The following CPEB3 variants were observed in gnomAD, a reference collection of about 807,000 sequenced individuals.
The protein encoded by CPEB3 is cytoplasmic polyadenylation element-binding protein 3.
CPEB3 carries 20 observed loss-of-function variants against 67.2 expected under a neutral mutation model. The observed-to-expected ratio is 0.30, with a 90% CI of 0.21 to 0.43. The LOEUF is 0.43. Among genes scored for constraint, CPEB3 ranks in the 20% least tolerant of loss-of-function variants. The probability of loss-of-function intolerance (pLI) is 1.00; values close to 1 mark genes in which losing one functional copy is unlikely to be tolerated. For missense variants in CPEB3, 746 were observed against 968.6 expected (o/e 0.77, Z 3.05); for synonymous variants, 376 against 393.1 (o/e 0.96, Z 0.51).
At chr10:92,241,264 G>A (rs973988185) in intron 1 of CPEB3, among the ~76,000 whole-genome samples, 4 of 141,626 alleles carry the variant, frequency 2.8e-5, no homozygotes, top group Admixed American at 2.1e-4. Context: ...AATGCTTCTG[G>A]TTGGATTTAA....
At chr10:92,176,484 G>A (rs1848225262) in intron 4 of CPEB3, among the ~76,000 whole-genome samples, 1 of 152,206 alleles carries the variant, frequency 6.6e-6, no homozygotes, top group Admixed American at 6.5e-5. Flanking sequence ...ATTCATTGCT[G>A]CATCTTCAAG....
At chr10:92,156,050 CG>C (rs1847193633) in intron 4 of CPEB3, among the ~76,000 whole-genome samples, 1 of 152,100 alleles carries the variant, frequency 6.6e-6, no homozygotes, top group Non-Finnish European at 1.5e-5. Flanking sequence ...GCTAACGCTA[CG>C]TAGGGCCCAG....
At chr10:92,086,874 A>G (rs1464680140) in intron 8 of CPEB3, among the ~76,000 whole-genome samples, 1 of 152,222 alleles carries the variant, frequency 6.6e-6, no homozygotes, top group Non-Finnish European at 1.5e-5. Flanking sequence ...GGGAGGACAC[A>G]AACACATACT....
At chr10:92,227,288 ATTAT>A (rs1851023724) in intron 2 of CPEB3, among the ~76,000 whole-genome samples, 1 of 152,204 alleles carries the variant, frequency 6.6e-6, no homozygotes, top group South Asian at 2.1e-4. Flanking sequence ...ATTACATAAA[ATTAT>A]TTATGTGGAA....
At chr10:92,073,038 C>CTTTTTT (rs546510647) in intron 9 of CPEB3, among the ~76,000 whole-genome samples, 2 of 61,262 alleles carry the variant, frequency 3.3e-5, no homozygotes, top group Non-Finnish European at 5.8e-5. Context: ...GAATCTCTGT[C>CTTTTTT]TTTTTTTTTT....
At chr10:92,181,912 A>G (rs2134093837) in intron 3 of CPEB3, among the ~76,000 whole-genome samples, 1 of 152,356 alleles carries the variant, frequency 6.6e-6, no homozygotes, top group East Asian at 1.9e-4. Flanking sequence ...TGGAAGATGC[A>G]GACATTTTTG....
Position 92,048,895 on chromosome 10 carries a change from A to G in CPEB3, c.*3317T>C, listed in dbSNP as rs1331498757. On this transcript the variant is annotated 3_prime_UTR_variant, in exon 10 of 10. Coordinates refer to ENST00000265997, the MANE Select transcript of CPEB3 (RefSeq NM_014912.5). The surrounding 1 kb of genome is among the most constrained non-coding windows in gnomAD (Gnocchi z 4.1). ...AATTAATTTATTCCAATAAAAATACAAAATAATATTATGACATTGACCAGA... is the reference window on the plus strand; with the variant it reads ...AATTAATTTATTCCAATAAAAATACGAAATAATATTATGACATTGACCAGA... 1 of 152,650 alleles carries G rather than the reference A, an allele frequency of 6.6e-6. No individual in the cohort carries two copies. Among genetic ancestry groups the G allele is most frequent in the Non-Finnish European group, 1.5e-5 (1 of 68,042 alleles). 9.5% of individuals were successfully genotyped at this position (152,650 alleles called of 1,614,324 possible).
At chr10:92,124,546 T>C (rs998680696) in intron 6 of CPEB3, among the ~76,000 whole-genome samples, 4 of 152,050 alleles carry the variant, frequency 2.6e-5, no homozygotes, top group Admixed American at 2.0e-4. Flanking sequence ...TCAAGTAAAA[T>C]ATTAAAATAT....
intron 6 of CPEB3, among the ~76,000 whole-genome samples, chr10:92,128,541 T>C (rs573729492): frequency 2.6e-5 from 4 of 152,224 alleles, no homozygotes; most frequent in African/African-American, 9.6e-5. Flanking sequence ...CAAAAGAAAC[T>C]ATCAAAAGAG....
chr10:92,199,072 G>A (rs569509725), intron 2 of CPEB3, among the ~76,000 whole-genome samples: 5 of 152,174 alleles, frequency 3.3e-5, no homozygotes, highest in Admixed American at 1.3e-4. Context: ...AAAACATTCC[G>A]AAGTTAAATG....
chr10:92,062,312 AC>A (rs1311070826), intron 9 of CPEB3, among the ~76,000 whole-genome samples: 1 of 152,226 alleles, frequency 6.6e-6, no homozygotes, highest in Non-Finnish European at 1.5e-5. Context: ...AAAATTGCCA[AC>A]AAAAATAGAA....
At chr10:92,145,871 G>A (rs1846655461) in intron 4 of CPEB3, among the ~76,000 whole-genome samples, 1 of 152,028 alleles carries the variant, frequency 6.6e-6, no homozygotes. Context: ...GATAGCCAAG[G>A]GAATACAAAA....
chr10:92,233,850 C>T (rs536653071), intron 2 of CPEB3, among the ~76,000 whole-genome samples: 3 of 151,988 alleles, frequency 2.0e-5, no homozygotes, highest in African/African-American at 7.3e-5. Context: ...TGGCTCATGC[C>T]GGTAATCCCA....
intron 4 of CPEB3, among the ~76,000 whole-genome samples, chr10:92,166,168 G>C (rs541507776): frequency 6.6e-6 from 1 of 151,778 alleles, no homozygotes; most frequent in African/African-American, 2.4e-5. Flanking sequence ...GAGTGCAGTG[G>C]CGTGATCTCG....
intron 1 of CPEB3, among the ~76,000 whole-genome samples, chr10:92,271,943 T>C (rs1853325294): frequency 6.6e-6 from 1 of 152,198 alleles, no homozygotes; most frequent in Non-Finnish European, 1.5e-5. Flanking sequence ...AGGAAGGGTT[T>C]TTCCTCCTCC....
At chr10:92,228,958 C>T (rs1189958294) in intron 2 of CPEB3, among the ~76,000 whole-genome samples, 1 of 152,036 alleles carries the variant, frequency 6.6e-6, no homozygotes, top group Non-Finnish European at 1.5e-5. Flanking sequence ...GTGATCCGCC[C>T]ACCTTGGCCT....
intron 6 of CPEB3, among the ~76,000 whole-genome samples, chr10:92,117,191 T>G (rs983521994): frequency 6.7e-5 from 10 of 148,922 alleles, no homozygotes; most frequent in African/African-American, 2.5e-4. Flanking sequence ...ACCTGGCAAA[T>G]TTTTGTATTT....
chr10:92,103,017 G>A (rs148519441), intron 7 of CPEB3, among the ~76,000 whole-genome samples: 3 of 152,300 alleles, frequency 2.0e-5, no homozygotes, highest in East Asian at 3.9e-4. Flanking sequence ...TGCACGTTTG[G>A]TGTGTAAACA....
At chr10:92,197,132 C>T (rs1254660742) in intron 2 of CPEB3, among the ~76,000 whole-genome samples, 3 of 152,142 alleles carry the variant, frequency 2.0e-5, no homozygotes. Flanking sequence ...ACAGGGTTCA[C>T]TTAATGCTCA....
Sources: allele counts gnomAD v4.1 joint callset (sites outside exome capture counted in the v4.1 genomes callset), GRCh38; gene constraint gnomAD v4.1.1; non-coding constraint Gnocchi (gnomAD v3.1); transcripts MANE v1.5; gene names NCBI Gene and HGNC (gene_info 2026-07-23, HGNC 2026-07-21).